The following TMEM178B variants were observed in gnomAD, a reference collection of about 807,000 sequenced individuals.
TMEM178B encodes the protein transmembrane protein 178B.
TMEM178B carries 5 observed loss-of-function variants against 31.0 expected under a neutral mutation model. The observed-to-expected ratio is 0.16, with a 90% CI of 0.08 to 0.34. TMEM178B has a LOEUF of 0.34. Among genes scored for constraint, TMEM178B ranks in the 10% least tolerant of loss-of-function variants. The probability of loss-of-function intolerance (pLI) is 1.00; values close to 1 mark genes in which losing one functional copy is unlikely to be tolerated. For missense variants in TMEM178B, 275 were observed against 400.3 expected (o/e 0.69, Z 2.67); for synonymous variants, 164 against 164.0 (o/e 1.00, Z 0.00).
the TMEM178B span, among the ~76,000 whole-genome samples, chr7:141,510,870 C>T: frequency 4.0e-5 from 6 of 151,896 alleles, no homozygotes; most frequent in Non-Finnish European, 7.4e-5. Flanking sequence ...AAACCCAGCC[C>T]AAAGAGCCAC....
At chr7:141,429,864 C>A (rs1378728348) in intron 2 of TMEM178B, 1 of 152,162 alleles carries the variant, frequency 6.6e-6, no homozygotes, top group African/African-American at 2.4e-5. Flanking sequence ...CATTATGATG[C>A]GGAACCAACT....
intron 1 of TMEM178B, among the ~76,000 whole-genome samples, chr7:141,187,833 T>G (rs1488266383): frequency 1.3e-5 from 2 of 152,210 alleles, no homozygotes; most frequent in African/African-American, 4.8e-5. Flanking sequence ...TTGTAGATTC[T>G]GGATATTAGC....
chr7:141,141,284 A>AT (rs113988861), intron 1 of TMEM178B, among the ~76,000 whole-genome samples: 9,169 of 149,618 alleles, frequency 0.061, 929 homozygotes, highest in African/African-American at 0.21. Context: ...TGCCCCATCA[A>AT]TTTTTTTTTT....
rs576259851 is a variant in TMEM178B, at chr7:141,264,306, C to G, written c.496+51602C>G. Among the ~76,000 whole-genome samples, 83 of 152,344 alleles carry G rather than the reference C, an allele frequency of 5.4e-4. 1 individual carries two copies. The South Asian group carries it at 0.017, about 31-fold the overall frequency. On this transcript the variant is annotated intron_variant, in intron 2 of 3. Coordinates refer to ENST00000565468, the MANE Select transcript of TMEM178B (RefSeq NM_001195278.2). ...GCCTTAGAGACGACCTCCCAGAAGC[C>G]AAGGGCAAAGGCCAGACTCTCTTTG...
At chr7:141,174,912 A>G (rs1034628525) in intron 1 of TMEM178B, among the ~76,000 whole-genome samples, 1 of 151,990 alleles carries the variant, frequency 6.6e-6, no homozygotes, top group East Asian at 1.9e-4. Context: ...TCTGTAGGTC[A>G]CCTGTTCACT....
At chr7:141,242,680 A>G (rs1235758829) in intron 2 of TMEM178B, among the ~76,000 whole-genome samples, 1 of 151,370 alleles carries the variant, frequency 6.6e-6, no homozygotes, top group African/African-American at 2.4e-5. Context: ...AGCTGGGATT[A>G]CAGGTGCTTG....
chr7:141,346,997 T>C (rs542286288), intron 2 of TMEM178B, among the ~76,000 whole-genome samples: 1 of 152,022 alleles, frequency 6.6e-6, no homozygotes, highest in Non-Finnish European at 1.5e-5. Flanking sequence ...CAAGATCTGA[T>C]GGTTTAAGTG....
At chr7:141,226,615 G>A (rs1797345617) in intron 2 of TMEM178B, among the ~76,000 whole-genome samples, 1 of 152,126 alleles carries the variant, frequency 6.6e-6, no homozygotes, top group Admixed American at 6.5e-5. Flanking sequence ...CATTTAGGGA[G>A]GCTAAGGCAG....
chr7:141,350,172 C>G (rs986136165), intron 2 of TMEM178B, among the ~76,000 whole-genome samples: 2 of 152,052 alleles, frequency 1.3e-5, no homozygotes, highest in Admixed American at 1.3e-4. Flanking sequence ...ACAAGAAAAC[C>G]AGTTGATTAC....
rs985694305 is a variant in TMEM178B, at chr7:141,477,808, C to G, written c.*7022C>G. On this transcript the variant is annotated 3_prime_UTR_variant, in exon 4 of 4. Transcript: ENST00000565468. Reference sequence around the variant, plus strand: ...TAAATTAGGAGATGTTTTCTCTCTGCTACTCCTGGCCTCTGCTTTCGCCCC... The same window carrying G: ...TAAATTAGGAGATGTTTTCTCTCTGGTACTCCTGGCCTCTGCTTTCGCCCC... The G allele has an allele frequency of 2.0e-5, 3 of 152,228 alleles. No homozygotes were observed. The highest frequency in any genetic ancestry group is 2.9e-5 in the Non-Finnish European group (2 of 68,078). 9.4% of individuals were successfully genotyped at this position (152,228 alleles called of 1,614,324 possible).
At chr7:141,296,426 T>C (rs1465055120) in intron 2 of TMEM178B, among the ~76,000 whole-genome samples, 1 of 152,048 alleles carries the variant, frequency 6.6e-6, no homozygotes, top group Non-Finnish European at 1.5e-5. Context: ...AGGGTTTGTG[T>C]GGAGATTTAA....
At chr7:141,169,534 A>ACATT (rs1796315878) in intron 1 of TMEM178B, among the ~76,000 whole-genome samples, 1 of 152,354 alleles carries the variant, frequency 6.6e-6, no homozygotes, top group African/African-American at 2.4e-5. Context: ...TTATAATAGA[A>ACATT]CATTCATCTG....
chr7:141,285,150 GTTTCTTTTTTTTTTTTT>G (rs1197898455), intron 2 of TMEM178B, among the ~76,000 whole-genome samples: 1 of 78,962 alleles, frequency 1.3e-5, no homozygotes, highest in Non-Finnish European at 2.6e-5. Context: ...CAGGATTCTT[GTTTCTTTTTTTTTTTTT>G]TTTTTTTTTT....
chr7:141,106,030 G>A (rs968650968), intron 1 of TMEM178B, among the ~76,000 whole-genome samples: 3 of 149,454 alleles, frequency 2.0e-5, no homozygotes, highest in Non-Finnish European at 4.4e-5. Flanking sequence ...GGGAGACAGA[G>A]GTTGCAGTGG....
intron 2 of TMEM178B, among the ~76,000 whole-genome samples, chr7:141,372,784 C>T (rs570045348): frequency 5.3e-5 from 8 of 152,072 alleles, no homozygotes; most frequent in South Asian, 2.1e-4. Context: ...GGATGTCTTC[C>T]GTAAATATAA....
intron 1 of TMEM178B, among the ~76,000 whole-genome samples, chr7:141,197,019 G>A (rs547276986): frequency 3.9e-5 from 6 of 152,256 alleles, no homozygotes; most frequent in African/African-American, 9.6e-5. Flanking sequence ...TCTCCTAGAC[G>A]TTCATTTCTT....
rs1802344178 is a variant in TMEM178B at position 141,475,348 on chromosome 7, A to G, written c.*4562A>G. On this transcript the variant is annotated 3_prime_UTR_variant, in exon 4 of 4. Transcript: ENST00000565468. Reference sequence around the variant, plus strand: ...TTTTCATTGATGCTGCCATGATGCAAAATGTTTCTTAAACATTATTCCTGG... The same window carrying G: ...TTTTCATTGATGCTGCCATGATGCAGAATGTTTCTTAAACATTATTCCTGG... The G allele has an allele frequency of 6.6e-6, 1 of 152,204 alleles. No homozygotes were observed. The highest frequency in any genetic ancestry group is 2.4e-5 in the African/African-American group (1 of 41,432). The allele number at this position is 152,204 out of a possible 1,614,324, so 9.4% of individuals were successfully genotyped here.
At chr7:141,312,521 C>T (rs59712753) in intron 2 of TMEM178B, among the ~76,000 whole-genome samples, 9,346 of 152,206 alleles carry the variant, frequency 0.061, 396 homozygotes, top group Non-Finnish European at 0.094. Context: ...AGTTCTAACC[C>T]GTAGATATTT....
intron 1 of TMEM178B, among the ~76,000 whole-genome samples, chr7:141,138,131 G>A (rs1006244269): frequency 1.3e-5 from 2 of 150,018 alleles, no homozygotes; most frequent in Non-Finnish European, 2.9e-5. Flanking sequence ...GCGCCATCTC[G>A]GCTCACTGCA....
Sources: allele counts gnomAD v4.1 joint callset (sites outside exome capture counted in the v4.1 genomes callset), GRCh38; gene constraint gnomAD v4.1.1; transcripts MANE v1.5; gene names NCBI Gene and HGNC (gene_info 2026-07-23, HGNC 2026-07-21).